NDST4: variants seen among roughly 807,000 people sequenced by gnomAD.
NDST4 encodes N-heparan sulfate sulfotransferase 4.
NDST4 carries 63 observed loss-of-function variants against 100.8 expected under a neutral mutation model. The ratio of observed to expected loss-of-function variants is 0.62; its 90% CI spans 0.51 to 0.77. NDST4 has a LOEUF of 0.77. NDST4 is among the 30% of genes least tolerant of loss of function. The pLI, the probability that NDST4 is intolerant of heterozygous loss-of-function variation, is 0.00. For synonymous variants in NDST4, 377 were observed against 361.8 expected (o/e 1.04, Z -0.48); for missense variants, 943 against 1,018.4 (o/e 0.93, Z 1.01).
At chr4:114,970,903 A>C (rs937032295) in intron 3 of NDST4, among the ~76,000 whole-genome samples, 2 of 152,214 alleles carry the variant, frequency 1.3e-5, no homozygotes, top group Non-Finnish European at 2.9e-5. Context: ...TTACCCTTAA[A>C]TGTTAAGGGT....
At chr4:115,089,199 A>G (rs1729465995) in intron 1 of NDST4, among the ~76,000 whole-genome samples, 1 of 152,006 alleles carries the variant, frequency 6.6e-6, no homozygotes, top group African/African-American at 2.4e-5. Context: ...TCTGAACTTC[A>G]GTTTCTTCAT....
chr4:115,027,825 G>A (rs984059401), intron 2 of NDST4, among the ~76,000 whole-genome samples: 5 of 152,016 alleles, frequency 3.3e-5, no homozygotes, highest in African/African-American at 7.2e-5. Context: ...AGGCCAAGGC[G>A]GGCAGATCAC....
chr4:114,889,248 C>T (rs1039117480), intron 6 of NDST4, among the ~76,000 whole-genome samples: 22 of 152,160 alleles, frequency 1.4e-4, no homozygotes, highest in African/African-American at 5.1e-4. Flanking sequence ...TTTCAGACTG[C>T]CTTCCCAAGA....
chr4:115,084,104 C>A (rs905521718), intron 1 of NDST4, among the ~76,000 whole-genome samples: 2 of 152,084 alleles, frequency 1.3e-5, no homozygotes, highest in Admixed American at 6.5e-5. Flanking sequence ...TAGCTTTGAC[C>A]AAAATGCTGA....
intron 4 of NDST4, among the ~76,000 whole-genome samples, chr4:114,961,522 C>T (rs1412537094): frequency 1.3e-5 from 2 of 151,762 alleles, no homozygotes; most frequent in African/African-American, 4.8e-5. Context: ...CACTATTGAC[C>T]TTATACAAAT....
intron 10 of NDST4, 113 bp downstream of exon 10, chr4:114,845,710 A>G: frequency 1.1e-6 from 1 of 943,814 alleles, no homozygotes; most frequent in Non-Finnish European, 1.5e-6. Context: ...TTGTGGGTTT[A>G]GATATTCTTA....
chr4:115,023,795 A>G (rs906076041), intron 2 of NDST4, among the ~76,000 whole-genome samples: 1 of 152,152 alleles, frequency 6.6e-6, no homozygotes, highest in Non-Finnish European at 1.5e-5. Context: ...CACCAAAGGC[A>G]TTACAGAGAA....
In NDST4 at chr4:114,857,515, G is replaced by A. The variant is rs372285783; in HGVS notation, c.1720-4694C>T. 2.0e-4 allele frequency among the ~76,000 whole-genome samples: 30 copies of A among 152,258 alleles called. No individual in the cohort carries two copies. In the East Asian group the frequency reaches 3.7e-3, roughly 19 times the overall value. ...TCTCCATCAGCTCATTTTTAGTTTT[G>A]TGAAGGGTTTCTATAACCTGCTGAC... On this transcript the variant is annotated intron_variant, in intron 7 of 13. Transcript: ENST00000264363.
chr4:114,867,235 A>C (rs10004817), intron 7 of NDST4, among the ~76,000 whole-genome samples: 24,784 of 152,084 alleles, frequency 0.16, 3,255 homozygotes, highest in African/African-American at 0.37. Flanking sequence ...TACTAATAGA[A>C]TCTACAGTGT....
chr4:114,977,085 C>T, intron 3 of NDST4, 102 bp downstream of exon 3: 1 of 705,358 alleles, frequency 1.4e-6, no homozygotes, highest in East Asian at 2.9e-5. Flanking sequence ...CCAAGTTTTT[C>T]CCATAATCAA....
intron 1 of NDST4, among the ~76,000 whole-genome samples, chr4:115,100,513 T>C (rs530471207): frequency 2.0e-3 from 302 of 152,228 alleles, no homozygotes; most frequent in Middle Eastern, 0.017. Flanking sequence ...ATGACATTTA[T>C]ATATAACTTT....
chr4:115,013,595 C>A (rs6810786), intron 2 of NDST4, among the ~76,000 whole-genome samples: 10,334 of 151,598 alleles, frequency 0.068, 1,143 homozygotes, highest in African/African-American at 0.23. Context: ...TGGTCCACCA[C>A]TCAGAGTACG....
chr4:115,099,708 G>T (rs1729691957), intron 1 of NDST4, among the ~76,000 whole-genome samples: 1 of 152,100 alleles, frequency 6.6e-6, no homozygotes, highest in South Asian at 2.1e-4. Context: ...CTCATTCATT[G>T]CTGGTAGGAA....
At chr4:114,853,700 T>C (rs1723728579) in intron 7 of NDST4, among the ~76,000 whole-genome samples, 1 of 152,230 alleles carries the variant, frequency 6.6e-6, no homozygotes, top group African/African-American at 2.4e-5. Context: ...CCTTGGAAAT[T>C]AAAACATTCT....
chr4:114,870,424 A>G (rs982001800), intron 7 of NDST4, among the ~76,000 whole-genome samples: 2 of 152,112 alleles, frequency 1.3e-5, no homozygotes, highest in African/African-American at 2.4e-5. Flanking sequence ...TTCCCTAGAT[A>G]TCTACTGTCT....
rs771524019 is a variant in NDST4, at chr4:114,901,517, G to A, written c.1537-30567C>T. 2.8e-4 allele frequency among the ~76,000 whole-genome samples: 42 copies of A among 151,818 alleles called. 1 individual carries two copies. Among genetic ancestry groups the A allele is most frequent in the Non-Finnish European group, 5.5e-4 (37 of 67,862 alleles). ...GTTTATTTATTTTTAATCTATATGC[G>A]TCTTTATATTTGAAGTGAATTTCTT... On this transcript the variant is annotated intron_variant, in intron 6 of 13. Coordinates refer to ENST00000264363, the MANE Select transcript of NDST4 (RefSeq NM_022569.3).
intron 2 of NDST4, among the ~76,000 whole-genome samples, chr4:115,052,385 T>G (rs1728601025): frequency 6.6e-6 from 1 of 152,174 alleles, no homozygotes; most frequent in South Asian, 2.1e-4. Flanking sequence ...TTTGTCAGGA[T>G]AAAGTACTCT....
At chr4:114,907,213 T>G (rs1249179429) in intron 6 of NDST4, among the ~76,000 whole-genome samples, 1 of 151,902 alleles carries the variant, frequency 6.6e-6, no homozygotes, top group Admixed American at 6.5e-5. Context: ...AAGTCACATC[T>G]CATGCTTGTC....
At chr4:114,952,011 T>C (rs1725999914) in intron 4 of NDST4, among the ~76,000 whole-genome samples, 1 of 152,160 alleles carries the variant, frequency 6.6e-6, no homozygotes, top group African/African-American at 2.4e-5. Flanking sequence ...GCCTATCCCC[T>C]GGGGGGAAAC....
Sources: gnomAD v4.1 joint callset for allele counts (sites outside exome capture counted in the v4.1 genomes callset) on GRCh38, gnomAD v4.1.1 for gene constraint, MANE v1.5 for transcripts, NCBI Gene and HGNC (gene_info 2026-07-23, HGNC 2026-07-21) for gene names.